The following IGSF11 variants were observed in gnomAD, a reference collection of about 807,000 sequenced individuals.
IGSF11 encodes CXADR like 1.
Under a neutral mutation model 41.0 loss-of-function variants are expected in IGSF11, and 22 were observed. That is an observed-to-expected ratio of 0.54 (90% CI 0.38 to 0.77). IGSF11 has a LOEUF of 0.77. IGSF11 is among the 30% of genes least tolerant of loss of function. IGSF11 has a pLI of 0.00. For synonymous variants in IGSF11, 219 were observed against 201.3 expected, an observed-to-expected ratio of 1.09 and a Z score of -0.74; for missense variants, 444 against 530.8, an observed-to-expected ratio of 0.84 and a Z score of 1.61.
intron 1 of IGSF11, among the ~76,000 whole-genome samples, chr3:119,112,068 C>G (rs1234148394): frequency 6.6e-6 from 1 of 152,222 alleles, no homozygotes; most frequent in East Asian, 1.9e-4. Context: ...AGGAGGCAGT[C>G]TGCCCATTCT....
chr3:119,124,136 C>G (rs897128648), intron 1 of IGSF11, among the ~76,000 whole-genome samples: 1 of 151,922 alleles, frequency 6.6e-6, no homozygotes, highest in South Asian at 2.1e-4. Flanking sequence ...ATTCAGAATT[C>G]TATCACAGAG....
At chr3:118,945,844 T>G (rs1458446820) in intron 1 of IGSF11, 1 of 152,230 alleles carries the variant, frequency 6.6e-6, no homozygotes, top group Non-Finnish European at 1.5e-5. Context: ...ATATGCTTAT[T>G]GTCTCCTTCT....
At chr3:119,099,681 CA>C in intron 1 of IGSF11, among the ~76,000 whole-genome samples, 1 of 152,266 alleles carries the variant, frequency 6.6e-6, no homozygotes, top group African/African-American at 2.4e-5. Context: ...AAATCAGACA[CA>C]AGGGCTGGTT....
chr3:119,106,317 T>G (rs1236255766), upstream of IGSF11, among the ~76,000 whole-genome samples: 1 of 152,234 alleles, frequency 6.6e-6, no homozygotes, highest in African/African-American at 2.4e-5. Context: ...TCTTTCTAAC[T>G]ATTTTTTGTA....
chr3:119,042,799 C>T (rs892832230), intron 1 of IGSF11, among the ~76,000 whole-genome samples: 10 of 152,166 alleles, frequency 6.6e-5, no homozygotes, highest in African/African-American at 2.4e-4. Flanking sequence ...ATATACCCCT[C>T]CTACTACCTC....
At chr3:118,959,507 C>T (rs538136094) in intron 1 of IGSF11, among the ~76,000 whole-genome samples, 2 of 152,296 alleles carry the variant, frequency 1.3e-5, no homozygotes, top group East Asian at 3.9e-4. Context: ...TGAGTAATAA[C>T]ATACATGGAT....
At chr3:119,042,431 G>A (rs1941153297) in intron 1 of IGSF11, among the ~76,000 whole-genome samples, 1 of 152,260 alleles carries the variant, frequency 6.6e-6, no homozygotes, top group East Asian at 1.9e-4. Flanking sequence ...TGGTTGCTGG[G>A]GCATGGCAGG....
rs1938924308 is a variant in IGSF11, at chr3:118,902,012, G to A, written c.*508C>T. 6.6e-6 allele frequency: 1 copy of A among 152,474 alleles called. No homozygotes were observed. The highest frequency in any genetic ancestry group is 1.5e-5 in the Non-Finnish European group (1 of 68,278). The allele number at this position is 152,474 out of a possible 1,614,324, so 9.4% of individuals were successfully genotyped here. ...AAAGTTTTGATTATATGATAGAAGA[G>A]TCAGCCCTGTTGGGACCAATATTAA... On this transcript the variant is annotated 3_prime_UTR_variant, in exon 7 of 7. Coordinates refer to ENST00000393775, the MANE Select transcript of IGSF11 (RefSeq NM_001015887.3).
At chr3:119,140,404 A>G (rs1305767142) in intron 1 of IGSF11, among the ~76,000 whole-genome samples, 1 of 152,234 alleles carries the variant, frequency 6.6e-6, no homozygotes, top group Non-Finnish European at 1.5e-5. Context: ...AAGAAGGTCA[A>G]TCTATCAGGT....
At chr3:119,098,316 G>A (rs2076888482) in intron 1 of IGSF11, among the ~76,000 whole-genome samples, 2 of 152,118 alleles carry the variant, frequency 1.3e-5, no homozygotes, top group South Asian at 4.1e-4. Flanking sequence ...TGAATAATAA[G>A]TGATATAGTG....
intron 1 of IGSF11, among the ~76,000 whole-genome samples, chr3:118,954,616 G>A (rs1355380021): frequency 6.6e-6 from 1 of 152,098 alleles, no homozygotes; most frequent in African/African-American, 2.4e-5. Context: ...ACTTTGCCCT[G>A]ATCCATCAGA....
rs1220032329 is a variant in IGSF11, at chr3:118,966,007, G to GAA, written c.53-35734_53-35733dup. On this transcript the variant is annotated intron_variant, in intron 1 of 6. Transcript: ENST00000393775. ...AGGTAAGAAAAGGCCACAGAAATGA[G>GAA]AAAAAAAAAAACAGAAGAGTAAAAA... Among the ~76,000 whole-genome samples, 74 of 135,294 alleles carry GAA rather than the reference G, an allele frequency of 5.5e-4. 1 individual carries two copies. The highest frequency in any genetic ancestry group is 2.0e-3 in the African/African-American group (73 of 37,144). The allele number at this position is 135,294 out of a possible 152,430, so 88.8% of individuals were successfully genotyped here. A position where few individuals can be genotyped will look rare whatever the true frequency, so the allele number is the denominator to read the frequency against.
chr3:118,958,015 T>A (rs1945081986), intron 1 of IGSF11, among the ~76,000 whole-genome samples: 1 of 152,200 alleles, frequency 6.6e-6, no homozygotes, highest in Non-Finnish European at 1.5e-5. Context: ...GCCCTCCTCA[T>A]AAAATCAAAG....
At chr3:119,136,819 T>C (rs891420398) in intron 1 of IGSF11, among the ~76,000 whole-genome samples, 69 of 152,158 alleles carry the variant, frequency 4.5e-4, no homozygotes, top group African/African-American at 1.6e-3. Context: ...TAATCTTGTA[T>C]TTGGAAAAAC....
At chr3:118,931,251 TA>T (rs1314387901) in intron 1 of IGSF11, among the ~76,000 whole-genome samples, 13 of 152,332 alleles carry the variant, frequency 8.5e-5, no homozygotes, top group Non-Finnish European at 1.8e-4. Flanking sequence ...AAAATGTTCA[TA>T]AACCTAAATC....
At chr3:118,999,419 A>T (rs949096922) in intron 1 of IGSF11, among the ~76,000 whole-genome samples, 2 of 152,168 alleles carry the variant, frequency 1.3e-5, no homozygotes, top group Admixed American at 1.3e-4. Context: ...AAAACTTCTC[A>T]CTATGTACTC....
At chr3:118,965,699 A>T (rs1406273868) in intron 1 of IGSF11, among the ~76,000 whole-genome samples, 1 of 152,148 alleles carries the variant, frequency 6.6e-6, no homozygotes, top group Admixed American at 6.6e-5. Flanking sequence ...TACATTAAAA[A>T]TTTAGCAGAT....
upstream of IGSF11, among the ~76,000 whole-genome samples, chr3:119,110,041 TG>T (rs1268169416): frequency 6.6e-6 from 1 of 152,126 alleles, no homozygotes; most frequent in Non-Finnish European, 1.5e-5. Context: ...AGGTGTGGTG[TG>T]GTGCTGAAAA....
chr3:119,116,261 T>C lies in IGSF11; in HGVS notation c.-13-11056A>G, dbSNP rs888729973. Reference sequence around the variant, plus strand: ...GAAGATGAAGGAATATGCTCTTTTTTTTTCCTGCCTGCCTGCTTGAGCTGA... The same window carrying C: ...GAAGATGAAGGAATATGCTCTTTTTCTTTCCTGCCTGCCTGCTTGAGCTGA... On this transcript the variant is annotated intron_variant, in intron 1 of 7. Coordinates refer to the IGSF11 transcript ENST00000425327. Among the ~76,000 whole-genome samples the C allele has an allele frequency of 3.3e-5, 5 of 152,254 alleles. 1 individual carries two copies. Among genetic ancestry groups the C allele is most frequent in the East Asian group, 3.9e-4 (2 of 5,172 alleles).
Sources: gnomAD v4.1 joint callset for allele counts (sites outside exome capture counted in the v4.1 genomes callset) on GRCh38, gnomAD v4.1.1 for gene constraint, MANE v1.5 for transcripts, NCBI Gene and HGNC (gene_info 2026-07-23, HGNC 2026-07-21) for gene names.